Variants in RORA observed in about 807,000 individuals in gnomAD.
RORA encodes nuclear receptor ROR-alpha.
Under a neutral mutation model 69.5 loss-of-function variants are expected in RORA, and 7 were observed. That is an observed-to-expected ratio of 0.10 (90% CI 0.06 to 0.19). The LOEUF (loss-of-function observed/expected upper bound fraction) is 0.19. Among genes scored for constraint, RORA ranks in the 10% least tolerant of loss-of-function variants. RORA has a pLI of 1.00. For synonymous variants in RORA, 261 were observed against 240.8 expected, an observed-to-expected ratio of 1.08 and a Z score of -0.78; for missense variants, 457 against 663.0, an observed-to-expected ratio of 0.69 and a Z score of 3.41.
chr15:60,845,043 G>GTC (rs2073248350), intron 1 of RORA, among the ~76,000 whole-genome samples: 1 of 152,024 alleles, frequency 6.6e-6, no homozygotes, highest in Non-Finnish European at 1.5e-5. Flanking sequence ...GTGAGTGTGT[G>GTC]TGTGTGTGTC....
At chr15:60,642,510 A>G (rs2069961475) in intron 2 of RORA, among the ~76,000 whole-genome samples, 1 of 152,192 alleles carries the variant, frequency 6.6e-6, no homozygotes, top group African/African-American at 2.4e-5. Flanking sequence ...TCAGGCAAGT[A>G]AACTGCTAGT....
chr15:61,195,224 G>T, intron 1 of RORA, among the ~76,000 whole-genome samples: 1 of 151,994 alleles, frequency 6.6e-6, no homozygotes, highest in East Asian at 1.9e-4. Context: ...CTTACATTCA[G>T]CTTCCAATAT....
At chr15:60,969,753 G>A (rs1301555187) in intron 1 of RORA, among the ~76,000 whole-genome samples, 1 of 152,192 alleles carries the variant, frequency 6.6e-6, no homozygotes, top group Non-Finnish European at 1.5e-5. Context: ...GCATAAGGGA[G>A]GGGGTTTGAG....
At chr15:60,730,966 C>T (rs751852589) in intron 1 of RORA, among the ~76,000 whole-genome samples, 4 of 151,496 alleles carry the variant, frequency 2.6e-5, no homozygotes, top group East Asian at 1.9e-4. Flanking sequence ...AAACATGTGT[C>T]GGGGGGTTGT....
At chr15:60,891,978 G>C (rs913230911) in intron 1 of RORA, among the ~76,000 whole-genome samples, 1 of 152,150 alleles carries the variant, frequency 6.6e-6, no homozygotes, top group African/African-American at 2.4e-5. Context: ...TCCAGAGGAA[G>C]ATGACAAAGA....
rs539013180 is a variant in RORA at position 60,708,431 on chromosome 15, A to T, written c.167-29745T>A. Among the ~76,000 whole-genome samples the T allele has an allele frequency of 2.6e-5, 4 of 152,058 alleles. No homozygotes were observed. In the South Asian group the frequency reaches 8.3e-4, roughly 32 times the overall value. ...AGACTCCGTCTCAAAAAAAAAAAAA[A>T]AGGAAAAAAAAATGTTACCAACATC... On this transcript the variant is annotated intron_variant, in intron 1 of 10. Coordinates refer to ENST00000335670, the MANE Select transcript of RORA (RefSeq NM_134261.3).
rs1567002112 is a variant in RORA at position 61,128,287 on chromosome 15, G to C, written c.166+100766C>G. ...AAGCACTAGAAAAAAACAGCAAATTGACCGGAGAATTATTAGCTTACCTTT... is the reference window on the plus strand; with the variant it reads ...AAGCACTAGAAAAAAACAGCAAATTCACCGGAGAATTATTAGCTTACCTTT... On this transcript the variant is annotated intron_variant, in intron 1 of 10. Coordinates refer to ENST00000335670, the MANE Select transcript of RORA (RefSeq NM_134261.3). The surrounding 1 kb of genome is among the most constrained non-coding windows in gnomAD (Gnocchi z 4.5). 6.6e-6 allele frequency among the ~76,000 whole-genome samples: 1 copy of C among 151,828 alleles called. No individual in the cohort carries two copies. The highest frequency in any genetic ancestry group is 1.5e-5 in the Non-Finnish European group (1 of 67,986).
intron 1 of RORA, among the ~76,000 whole-genome samples, chr15:60,985,237 T>G (rs958611802): frequency 2.0e-5 from 3 of 152,198 alleles, no homozygotes; most frequent in African/African-American, 7.2e-5. Flanking sequence ...TTAAAATATT[T>G]TAATTTCCTC....
At chr15:60,789,966 C>A (rs2072391914) in intron 1 of RORA, among the ~76,000 whole-genome samples, 1 of 152,208 alleles carries the variant, frequency 6.6e-6, no homozygotes, top group South Asian at 2.1e-4. Context: ...CTCTAAGCAG[C>A]ACAGCAGCCT....
intron 2 of RORA, chr15:60,630,433 T>C (rs2069709579): frequency 6.6e-6 from 1 of 152,210 alleles, no homozygotes; most frequent in Admixed American, 6.5e-5. Flanking sequence ...CTATTTTTCA[T>C]CCAACCTAAG....
chr15:60,776,462 A>G (rs2140334005), intron 1 of RORA, among the ~76,000 whole-genome samples: 1 of 152,356 alleles, frequency 6.6e-6, no homozygotes, highest in Admixed American at 6.5e-5. Context: ...GTGAGCACCT[A>G]CAGAGAGCTG....
chr15:60,901,171 T>C (rs1456835231), intron 1 of RORA, among the ~76,000 whole-genome samples: 4 of 150,356 alleles, frequency 2.7e-5, no homozygotes, highest in African/African-American at 7.4e-5. Flanking sequence ...TGATTCATGA[T>C]TTTTTTTTTC....
In RORA at chr15:60,976,895, T is replaced by C. The variant is rs560454565; in HGVS notation, c.166+252158A>G. Reference sequence around the variant, plus strand: ...CCATTACCTTTGAAATAATCCTCGCTCGCACACCAAGTATTTGTTATGAGT... The same window carrying C: ...CCATTACCTTTGAAATAATCCTCGCCCGCACACCAAGTATTTGTTATGAGT... On this transcript the variant is annotated intron_variant, in intron 1 of 10. Coordinates refer to ENST00000335670, the MANE Select transcript of RORA (RefSeq NM_134261.3). 4.6e-5 allele frequency among the ~76,000 whole-genome samples: 7 copies of C among 152,298 alleles called. 1 individual carries two copies. The South Asian group carries it at 1.4e-3, about 32-fold the overall frequency.
At chr15:61,054,593 C>T (rs1023387495) in intron 1 of RORA, among the ~76,000 whole-genome samples, 34 of 152,100 alleles carry the variant, frequency 2.2e-4, no homozygotes, top group African/African-American at 7.7e-4. Flanking sequence ...TAATAAGGTC[C>T]CTTCAATGAG....
chr15:60,836,291 A>G (rs977527887), intron 1 of RORA, among the ~76,000 whole-genome samples: 1 of 152,156 alleles, frequency 6.6e-6, no homozygotes, highest in Non-Finnish European at 1.5e-5. Context: ...AGATGGAGAG[A>G]GGAGACAAAA....
chr15:60,593,826 AT>A (rs1231934848), intron 2 of RORA, among the ~76,000 whole-genome samples: 5 of 144,854 alleles, frequency 3.5e-5, no homozygotes, highest in Non-Finnish European at 7.7e-5. Flanking sequence ...ATTCTAGCAT[AT>A]TTTTTTCTCC....
chr15:60,976,689 C>T (rs1044478553), intron 1 of RORA, among the ~76,000 whole-genome samples: 1 of 152,032 alleles, frequency 6.6e-6, no homozygotes, highest in Non-Finnish European at 1.5e-5. Context: ...AGGAGGAGAC[C>T]CCAGACGGGC....
At chr15:60,546,842 T>C (rs1374220809) in intron 2 of RORA, among the ~76,000 whole-genome samples, 1 of 152,192 alleles carries the variant, frequency 6.6e-6, no homozygotes, top group Non-Finnish European at 1.5e-5. Flanking sequence ...AAGTCAGAAT[T>C]GTCCGTGATT....
intron 1 of RORA, among the ~76,000 whole-genome samples, chr15:61,031,185 C>T (rs1405483874): frequency 6.6e-6 from 1 of 152,088 alleles, no homozygotes; most frequent in Non-Finnish European, 1.5e-5. Context: ...CTAGCTGAAA[C>T]TCAATTATGA....
Sources: allele counts gnomAD v4.1 joint callset (sites outside exome capture counted in the v4.1 genomes callset), GRCh38; gene constraint gnomAD v4.1.1; non-coding constraint Gnocchi (gnomAD v3.1); transcripts MANE v1.5; gene names NCBI Gene and HGNC (gene_info 2026-07-23, HGNC 2026-07-21).